The following KCNIP4 variants were observed in gnomAD, a reference collection of about 807,000 sequenced individuals.
KCNIP4 encodes potassium voltage-gated channel interacting protein 4, also known as Kv channel-interacting protein 4.
KCNIP4 carries 12 observed loss-of-function variants against 34.0 expected under a neutral mutation model. The ratio of observed to expected loss-of-function variants is 0.35; its 90% CI spans 0.23 to 0.57. KCNIP4 has a LOEUF of 0.57. Ranked by LOEUF, KCNIP4 falls within the 20% of genes least tolerant of loss-of-function variation. KCNIP4 has a pLI of 0.83. For synonymous variants in KCNIP4, 124 were observed against 102.2 expected (o/e 1.21, Z -1.29); for missense variants, 238 against 311.7 (o/e 0.76, Z 1.78).
rs35394005 is a variant in KCNIP4, at chr4:21,676,985, GAAA to G, written c.61+271583_61+271585del. Among the ~76,000 whole-genome samples the G allele has an allele frequency of 4.0e-3, 569 of 141,550 alleles. 2 individuals carry two copies. Among genetic ancestry groups the G allele is most frequent in the African/African-American group, 0.014 (540 of 39,126 alleles). The allele number at this position is 141,550 out of a possible 152,430, so 92.9% of individuals were successfully genotyped here. A position where few individuals can be genotyped will look rare whatever the true frequency, so the allele number is the denominator to read the frequency against. ...TCAATCTTCTAAAGTATATGTTCCA[GAAA>G]AAAAAAAAAAACATGGTGCACTAAA... is the stretch of plus-strand genomic sequence containing the variant. On this transcript the variant is annotated intron_variant, in intron 1 of 8. Coordinates refer to ENST00000382152, the MANE Select transcript of KCNIP4 (RefSeq NM_025221.6).
chr4:21,449,120 A>G (rs1003435117), intron 1 of KCNIP4, among the ~76,000 whole-genome samples: 1 of 152,220 alleles, frequency 6.6e-6, no homozygotes, highest in Non-Finnish European at 1.5e-5. Flanking sequence ...GTCAGCCCAA[A>G]GAGCAGAGGT....
At chr4:21,130,459 T>C (rs1391513329) in intron 1 of KCNIP4, among the ~76,000 whole-genome samples, 5 of 152,204 alleles carry the variant, frequency 3.3e-5, no homozygotes, top group Non-Finnish European at 7.3e-5. Context: ...CATCATTGCA[T>C]AATGTTGGTC....
intron 1 of KCNIP4, among the ~76,000 whole-genome samples, chr4:21,534,744 T>G (rs1447711672): frequency 2.0e-5 from 3 of 152,058 alleles, no homozygotes; most frequent in Non-Finnish European, 4.4e-5. Context: ...CCCTGGCAGA[T>G]CACAGCCCAG....
rs1337547042 is a variant in KCNIP4, at chr4:21,773,732, G to GTTTTT, written c.61+174834_61+174838dup. Among the ~76,000 whole-genome samples the GTTTTT allele has an allele frequency of 1.4e-3, 97 of 71,198 alleles. 1 individual carries two copies. Among genetic ancestry groups the GTTTTT allele is most frequent in the Middle Eastern group, 8.2e-3 (1 of 122 alleles). 46.7% of individuals were successfully genotyped at this position (71,198 alleles called of 152,430 possible). ...GTAGGAGACTAGCATTGCAACCCCT[G>GTTTTT]TTTTTTTTTGTTGTTTTTTTTTTTT... On this transcript the variant is annotated intron_variant, in intron 1 of 8. Transcript: ENST00000382152.
chr4:20,954,920 T>C (rs1237059467), intron 1 of KCNIP4, among the ~76,000 whole-genome samples: 1 of 152,176 alleles, frequency 6.6e-6, no homozygotes, highest in African/African-American at 2.4e-5. Context: ...TTTTTCAACC[T>C]CCGTCTTCAG....
chr4:21,514,211 C>T (rs1298460538), intron 1 of KCNIP4, among the ~76,000 whole-genome samples: 1 of 152,074 alleles, frequency 6.6e-6, no homozygotes, highest in Admixed American at 6.6e-5. Flanking sequence ...TACAAATGAA[C>T]CATTTGGGTA....
intron 1 of KCNIP4, among the ~76,000 whole-genome samples, chr4:21,839,627 C>T (rs1247636405): frequency 6.6e-6 from 1 of 152,058 alleles, no homozygotes; most frequent in Non-Finnish European, 1.5e-5. Flanking sequence ...GTGGCACATG[C>T]CTGTAATCCC....
Position 20,962,139 on chromosome 4 carries a change from T to C in KCNIP4, c.62-79430A>G, listed in dbSNP as rs1292792138. Among the ~76,000 whole-genome samples, 5 of 152,178 alleles carry C rather than the reference T, an allele frequency of 3.3e-5. No homozygotes were observed. In the East Asian group the frequency reaches 7.7e-4, roughly 23 times the overall value. ...TCCTGCTTTGCTCAATTTCTCCTCT[T>C]TGTCCTTCTGGGAGCAAATTGCCAA... On this transcript the variant is annotated intron_variant, in intron 1 of 8. Coordinates refer to ENST00000382152, the MANE Select transcript of KCNIP4 (RefSeq NM_025221.6).
rs1553949749 is a variant in KCNIP4 at position 21,177,858 on chromosome 4, T to TA, written c.62-295150_62-295149insT. ...GCAAGACTATGTCTCAAAAAAAAAA[T>TA]TATATATATATATATATATAAAATA... On this transcript the variant is annotated intron_variant, in intron 1 of 8. Coordinates refer to ENST00000382152, the MANE Select transcript of KCNIP4 (RefSeq NM_025221.6). 1.6e-4 allele frequency among the ~76,000 whole-genome samples: 22 copies of TA among 139,320 alleles called. No individual in the cohort carries two copies. In the South Asian group the frequency reaches 4.5e-3, roughly 29 times the overall value. The allele number at this position is 139,320 out of a possible 152,430, so 91.4% of individuals were successfully genotyped here.
At chr4:21,639,687 T>A (rs963643817) in intron 1 of KCNIP4, among the ~76,000 whole-genome samples, 1 of 152,198 alleles carries the variant, frequency 6.6e-6, no homozygotes, top group Non-Finnish European at 1.5e-5. Context: ...GTATATTCCA[T>A]TATAGATAGA....
chr4:21,047,876 C>T (rs1020737025), intron 1 of KCNIP4, among the ~76,000 whole-genome samples: 7 of 152,292 alleles, frequency 4.6e-5, no homozygotes, highest in African/African-American at 1.7e-4. Flanking sequence ...TCCTTTAAAG[C>T]TCATCAGATC....
chr4:21,174,021 G>A (rs1440632346), intron 1 of KCNIP4, among the ~76,000 whole-genome samples: 3 of 152,068 alleles, frequency 2.0e-5, no homozygotes, highest in Non-Finnish European at 4.4e-5. Context: ...CTCCTAATGG[G>A]ACACTGATGT....
At chr4:21,836,816 T>C (rs1202847775) in intron 1 of KCNIP4, among the ~76,000 whole-genome samples, 1 of 151,956 alleles carries the variant, frequency 6.6e-6, no homozygotes, top group African/African-American at 2.4e-5. Flanking sequence ...GATATATTAA[T>C]GGGCTTAATC....
At chr4:21,308,232 A>G (rs1366949945) in intron 1 of KCNIP4, among the ~76,000 whole-genome samples, 1 of 152,188 alleles carries the variant, frequency 6.6e-6, no homozygotes, top group Non-Finnish European at 1.5e-5. Context: ...GATTACTTAA[A>G]CTTGCTAAGC....
intron 2 of KCNIP4, among the ~76,000 whole-genome samples, chr4:20,870,021 CTTA>C (rs1723272396): frequency 6.6e-6 from 1 of 152,092 alleles, no homozygotes; most frequent in Non-Finnish European, 1.5e-5. Context: ...GTTTAAAATA[CTTA>C]TTATTATATC....
intron 1 of KCNIP4, chr4:20,916,394 A>G: frequency 1.0e-6 from 1 of 967,122 alleles, no homozygotes; most frequent in Non-Finnish European, 1.2e-6. Flanking sequence ...TTTTCTCATG[A>G]GATTTTCAGT....
chr4:20,766,301 G>A (rs1173602927), intron 3 of KCNIP4, among the ~76,000 whole-genome samples: 1 of 152,078 alleles, frequency 6.6e-6, no homozygotes, highest in Non-Finnish European at 1.5e-5. Context: ...AGGCACGGTG[G>A]GTCATGCCTG....
At chr4:21,560,112 T>C (rs1739394638) in intron 1 of KCNIP4, among the ~76,000 whole-genome samples, 1 of 152,108 alleles carries the variant, frequency 6.6e-6, no homozygotes, top group Non-Finnish European at 1.5e-5. Flanking sequence ...AATTCATATA[T>C]ATTCTAAAAA....
At chr4:21,918,750 C>T (rs572692020) in intron 1 of KCNIP4, among the ~76,000 whole-genome samples, 5 of 152,048 alleles carry the variant, frequency 3.3e-5, no homozygotes, top group East Asian at 1.9e-4. Flanking sequence ...AGACAGTGTC[C>T]GGTCAGATCA....
Sources: gnomAD v4.1 joint callset for allele counts (sites outside exome capture counted in the v4.1 genomes callset) on GRCh38, gnomAD v4.1.1 for gene constraint, MANE v1.5 for transcripts, NCBI Gene and HGNC (gene_info 2026-07-23, HGNC 2026-07-21) for gene names.